Variants in CNTN6 observed in about 807,000 individuals in gnomAD.
CNTN6 encodes the protein contactin-6.
Under a neutral mutation model 122.8 loss-of-function variants are expected in CNTN6, and 137 were observed. The observed-to-expected ratio is 1.12, with a 90% CI of 0.97 to 1.29. CNTN6 has a LOEUF of 1.29. Among genes scored for constraint, CNTN6 ranks in the 50% most tolerant of loss-of-function variants. The pLI is 0.00. For synonymous variants in CNTN6, 570 were observed against 426.0 expected (o/e 1.34, Z -4.16); for missense variants, 1,634 against 1,223.4 (o/e 1.34, Z -5.01).
intron 11 of CNTN6, among the ~76,000 whole-genome samples, chr3:1,348,576 TTATA>T (rs1342291060): frequency 2.0e-5 from 3 of 147,752 alleles, no homozygotes; most frequent in Non-Finnish European, 2.9e-5. Context: ...GCAAATAAAA[TTATA>T]CATACATATA....
intron 1 of CNTN6, among the ~76,000 whole-genome samples, chr3:1,102,204 T>TC (rs2090935471): frequency 6.6e-6 from 1 of 152,214 alleles, no homozygotes. Flanking sequence ...TGGTTTCCCA[T>TC]ATTTGTATGT....
chr3:1,384,895 G>A, intron 19 of CNTN6, among the ~76,000 whole-genome samples: 1 of 150,006 alleles, frequency 6.7e-6, no homozygotes, highest in African/African-American at 2.5e-5. Context: ...TCCACTCCAT[G>A]CCAAGAATGC....
chr3:1,220,010 A>AAAGAAAAAAGAAAG (rs1559537724), intron 2 of CNTN6, among the ~76,000 whole-genome samples: 10 of 151,508 alleles, frequency 6.6e-5, no homozygotes, highest in Non-Finnish European at 1.2e-4. Context: ...TCAAAAAATA[A>AAAGAAAAAAGAAAG]AAAGAAAATA....
chr3:1,220,898 G>A, intron 3 of CNTN6, 85 bp downstream of exon 3: 3 of 1,408,748 alleles, frequency 2.1e-6, no homozygotes, highest in African/African-American at 1.4e-5. Context: ...TTTATAAAAT[G>A]TCCTAATTTG....
At chr3:1,374,294 C>G (rs1709551169) in intron 16 of CNTN6, among the ~76,000 whole-genome samples, 1 of 152,016 alleles carries the variant, frequency 6.6e-6, no homozygotes, top group Non-Finnish European at 1.5e-5. Context: ...GCCAACATGT[C>G]AAAATCAGAG....
At chr3:1,158,776 A>G (rs1029617291) in intron 2 of CNTN6, among the ~76,000 whole-genome samples, 1 of 113,346 alleles carries the variant, frequency 8.8e-6, no homozygotes, top group Non-Finnish European at 1.8e-5. Context: ...ACACATATAT[A>G]TGTGTGTATA....
At chr3:1,282,872 G>A (rs1008592002) in intron 5 of CNTN6, among the ~76,000 whole-genome samples, 6 of 152,140 alleles carry the variant, frequency 3.9e-5, no homozygotes, top group African/African-American at 4.8e-5. Flanking sequence ...TTGGCAGAAC[G>A]AAATTTACTA....
At chr3:1,239,844 G>A (rs1575369694) in intron 4 of CNTN6, among the ~76,000 whole-genome samples, 1 of 152,222 alleles carries the variant, frequency 6.6e-6, no homozygotes, top group African/African-American at 2.4e-5. Flanking sequence ...CAATGGAACA[G>A]AATAGAGAAC....
chr3:1,220,564 A>C, intron 2 of CNTN6, 123 bp from the exon 3 acceptor site: 2 of 889,284 alleles, frequency 2.2e-6, no homozygotes, highest in East Asian at 3.1e-5. Context: ...ACTTTTTGTG[A>C]ATTTGAGATT....
intron 22 of CNTN6, chr3:1,402,752 C>A: frequency 3.2e-6 from 1 of 315,592 alleles, no homozygotes; most frequent in Non-Finnish European, 5.8e-6. Flanking sequence ...AATTGTATCA[C>A]TCATTCTATT....
At chr3:1,401,947 A>T (rs1056527423) in intron 21 of CNTN6, among the ~76,000 whole-genome samples, 2 of 152,088 alleles carry the variant, frequency 1.3e-5, no homozygotes, top group Non-Finnish European at 2.9e-5. Context: ...AGTACAATCA[A>T]GTACCCAGAG....
intron 7 of CNTN6, among the ~76,000 whole-genome samples, chr3:1,305,582 T>C (rs762342094): frequency 6.6e-6 from 1 of 152,194 alleles, no homozygotes; most frequent in African/African-American, 2.4e-5. Context: ...GAAAAAAATA[T>C]GGGCTCTTGC....
At chr3:1,268,167 G>T (rs549033144) in intron 4 of CNTN6, among the ~76,000 whole-genome samples, 1 of 152,192 alleles carries the variant, frequency 6.6e-6, no homozygotes, top group African/African-American at 2.4e-5. Flanking sequence ...TGAGAAGCAG[G>T]GCAGCCTAGG....
intron 11 of CNTN6, among the ~76,000 whole-genome samples, chr3:1,343,836 T>C (rs1575786446): frequency 6.6e-6 from 1 of 152,098 alleles, no homozygotes; most frequent in African/African-American, 2.4e-5. Flanking sequence ...TAAATTAACA[T>C]GGCCAAAAAC....
chr3:1,389,653 C>T (rs1693790154), intron 20 of CNTN6, among the ~76,000 whole-genome samples: 1 of 151,478 alleles, frequency 6.6e-6, no homozygotes, highest in South Asian at 2.1e-4. Context: ...CATCAGTGTG[C>T]TGTATTCAGG....
At chr3:1,321,491 T>A (rs555196315) in intron 7 of CNTN6, among the ~76,000 whole-genome samples, 159 bp from the exon 8 acceptor site, 2 of 151,790 alleles carry the variant, frequency 1.3e-5, no homozygotes, top group African/African-American at 4.8e-5. Flanking sequence ...AATGACTGAT[T>A]GAGTGAATGG....
intron 4 of CNTN6, among the ~76,000 whole-genome samples, chr3:1,243,823 A>C (rs895010160): frequency 6.6e-6 from 1 of 152,044 alleles, no homozygotes; most frequent in Non-Finnish European, 1.5e-5. Context: ...TGGGTCTGGC[A>C]ATGAGCAGCT....
intron 2 of CNTN6, among the ~76,000 whole-genome samples, chr3:1,173,004 C>T (rs1203061219): frequency 6.6e-6 from 1 of 152,112 alleles, no homozygotes; most frequent in Non-Finnish European, 1.5e-5. Flanking sequence ...GTCAAGGTCT[C>T]TGCTCACAAA....
chr3:1,247,209 A>T (rs1186071671), intron 4 of CNTN6, among the ~76,000 whole-genome samples: 1 of 152,024 alleles, frequency 6.6e-6, no homozygotes, highest in Non-Finnish European at 1.5e-5. Context: ...AATTGGTTCA[A>T]TATACAATTT....
Sources: allele counts gnomAD v4.1 joint callset (sites outside exome capture counted in the v4.1 genomes callset), GRCh38; gene constraint gnomAD v4.1.1; transcripts MANE v1.5; gene names NCBI Gene and HGNC (gene_info 2026-07-23, HGNC 2026-07-21).